Variants in ERC2 observed in about 807,000 individuals in gnomAD.
ERC2 encodes the protein ELKS/RAB6-interacting/CAST family member 2.
A neutral mutation model predicts 114.8 loss-of-function variants in ERC2; 42 were observed. The ratio of observed to expected loss-of-function variants is 0.37; its 90% CI spans 0.29 to 0.47. The LOEUF (loss-of-function observed/expected upper bound fraction) is 0.47, where lower values mean the gene tolerates loss of function less well. Ranked by LOEUF, ERC2 falls within the 20% of genes least tolerant of loss-of-function variation. The probability of loss-of-function intolerance (pLI) is 0.99; values close to 1 mark genes in which losing one functional copy is unlikely to be tolerated. For missense variants in ERC2, 939 were observed against 1,150.7 expected, an observed-to-expected ratio of 0.82 and a Z score of 2.66; for synonymous variants, 454 against 425.5, an observed-to-expected ratio of 1.07 and a Z score of -0.82.
chr3:56,149,853 T>C (rs1458345555), intron 4 of ERC2, among the ~76,000 whole-genome samples: 1 of 152,108 alleles, frequency 6.6e-6, no homozygotes, highest in Non-Finnish European at 1.5e-5. Context: ...TACACTCAGA[T>C]GTGGAATTAA....
At chr3:55,916,836 T>G (rs1004484913) in intron 13 of ERC2, among the ~76,000 whole-genome samples, 5 of 152,182 alleles carry the variant, frequency 3.3e-5, no homozygotes, top group African/African-American at 1.2e-4. Context: ...AGGGCAAGAC[T>G]TGGTCTTTCT....
chr3:56,230,463 T>C (rs77027970), intron 3 of ERC2, among the ~76,000 whole-genome samples: 2,968 of 152,224 alleles, frequency 0.019, 70 homozygotes, highest in African/African-American at 0.056. Context: ...TCTTGTCATC[T>C]TGCCCAGGTT....
intron 4 of ERC2, among the ~76,000 whole-genome samples, chr3:56,170,592 T>TTTTTG (rs1553861367): frequency 4.7e-5 from 1 of 21,254 alleles, no homozygotes; most frequent in African/African-American, 8.6e-5. Context: ...TCTGTTTTTT[T>TTTTTG]TTTTTTTTTT....
intron 3 of ERC2, among the ~76,000 whole-genome samples, chr3:56,234,462 A>G (rs1181218193): frequency 6.6e-6 from 1 of 152,234 alleles, no homozygotes; most frequent in African/African-American, 2.4e-5. Context: ...CAAAAATGCA[A>G]TTCCATTAGA....
At chr3:56,279,531 C>A (rs1192899359) in intron 3 of ERC2, among the ~76,000 whole-genome samples, 4 of 152,168 alleles carry the variant, frequency 2.6e-5, no homozygotes, top group Non-Finnish European at 4.4e-5. Flanking sequence ...GCACAGAGCC[C>A]AGAAGCTGGC....
At chr3:55,756,433 C>G (rs575077258) in intron 14 of ERC2, among the ~76,000 whole-genome samples, 1 of 152,264 alleles carries the variant, frequency 6.6e-6, no homozygotes, top group African/African-American at 2.4e-5. Flanking sequence ...AATGGAGCTT[C>G]CCATATGTGC....
chr3:56,341,701 T>C (rs1000314987), intron 2 of ERC2, among the ~76,000 whole-genome samples: 7 of 152,186 alleles, frequency 4.6e-5, no homozygotes, highest in African/African-American at 9.6e-5. Flanking sequence ...GTAATCCTGT[T>C]AGCAATTCCT....
intron 14 of ERC2, among the ~76,000 whole-genome samples, chr3:55,834,044 C>A (rs929273300): frequency 6.6e-6 from 1 of 151,500 alleles, no homozygotes; most frequent in African/African-American, 2.4e-5. Flanking sequence ...GGGATCAATT[C>A]AACAAGAAGA....
At chr3:55,589,234 AGAG>A (rs1254729057) in intron 17 of ERC2, among the ~76,000 whole-genome samples, 3 of 120,000 alleles carry the variant, frequency 2.5e-5, no homozygotes, top group South Asian at 2.8e-4. Context: ...AAAAAAAAAA[AGAG>A]AGAGAGAGAA....
rs531078412 is a variant in ERC2, at chr3:55,683,762, T to A, written c.*39+32A>T. 7 of 1,566,104 alleles carry A rather than the reference T, an allele frequency of 4.5e-6. No individual in the cohort carries two copies. In the African/African-American group the frequency reaches 6.8e-5, roughly 15 times the overall value. The stretch of plus-strand genomic sequence containing the variant: ...AATACAACACTAGAATGCAATTTTT[T>A]AATAAAAATGATATAAAAGATGGTT... On this transcript the variant is annotated intron_variant, in intron 17 of 17. Coordinates refer to ENST00000288221, the MANE Select transcript of ERC2 (RefSeq NM_015576.3).
intron 15 of ERC2, among the ~76,000 whole-genome samples, chr3:55,706,827 C>T (rs565345342): frequency 2.6e-5 from 4 of 152,280 alleles, no homozygotes; most frequent in African/African-American, 7.2e-5. Flanking sequence ...AGGCTCTTTT[C>T]CATGGATACT....
intron 13 of ERC2, among the ~76,000 whole-genome samples, chr3:55,902,261 C>T (rs987568342): frequency 4.6e-5 from 7 of 152,184 alleles, no homozygotes; most frequent in Middle Eastern, 3.4e-3. Context: ...TTCAATTTCT[C>T]CTTTATTTAA....
intron 2 of ERC2, among the ~76,000 whole-genome samples, chr3:56,403,642 A>C (rs1279705639): frequency 5.3e-5 from 8 of 152,242 alleles, no homozygotes; most frequent in African/African-American, 1.9e-4. Context: ...TATTTTAACG[A>C]GATCCCCAGG....
intron 14 of ERC2, among the ~76,000 whole-genome samples, chr3:55,835,376 C>T (rs1371568067): frequency 2.6e-5 from 4 of 152,142 alleles, no homozygotes. Context: ...AAACTGAATC[C>T]AGCAACACAT....
Position 56,139,775 on chromosome 3 carries a change from T to A in ERC2, c.1306-99A>T, listed in dbSNP as rs938832670. ...TTCTCTCCATTTCAGCAGCCAGTGA[T>A]CAATAATCCAACAAGGCAGGCCACG... On this transcript the variant is annotated intron_variant, in intron 5 of 17. Transcript: ENST00000288221. The A allele has an allele frequency of 7.6e-6, 10 of 1,320,080 alleles. No homozygotes were observed. In the African/African-American group the frequency reaches 1.5e-4, roughly 20 times the overall value. The allele number at this position is 1,320,080 out of a possible 1,614,324, so 81.8% of individuals were successfully genotyped here.
At chr3:56,153,464 G>A (rs1330860946) in intron 4 of ERC2, among the ~76,000 whole-genome samples, 2 of 152,134 alleles carry the variant, frequency 1.3e-5, no homozygotes, top group African/African-American at 4.8e-5. Flanking sequence ...GAAGACACAA[G>A]GGCCAAGACT....
rs947104953 is a variant in ERC2, at chr3:55,510,566, G to A, written c.*750C>T. 6 of 152,626 alleles carry A rather than the reference G, an allele frequency of 3.9e-5. No individual in the cohort carries two copies. The highest frequency in any genetic ancestry group is 1.3e-4 in the Admixed American group (2 of 15,278). 9.5% of individuals were successfully genotyped at this position (152,626 alleles called of 1,614,324 possible). A position where few individuals can be genotyped will look rare whatever the true frequency, so the allele number is the denominator to read the frequency against. ...ACGCATTGTCAGAGACACACACCAT[G>A]TTCTCATAAGGCGATTTCTTGGCAA... On this transcript the variant is annotated 3_prime_UTR_variant, in exon 18 of 18. Transcript: ENST00000288221.
rs528279179 is a variant in ERC2 at position 56,304,903 on chromosome 3, C to T, written c.658-8468G>A. ...CTTAATGGTAAATGTTAGAAGCATGCCCCTTAAAATGAGAAATAAAATTAC... is the reference window on the plus strand; with the variant it reads ...CTTAATGGTAAATGTTAGAAGCATGTCCCTTAAAATGAGAAATAAAATTAC... On this transcript the variant is annotated intron_variant, in intron 2 of 17. Coordinates refer to ENST00000288221, the MANE Select transcript of ERC2 (RefSeq NM_015576.3). Among the ~76,000 whole-genome samples, 8 of 152,150 alleles carry T rather than the reference C, an allele frequency of 5.3e-5. 1 individual carries two copies. The South Asian group carries it at 1.0e-3, about 20-fold the overall frequency.
chr3:56,432,955 C>T (rs1201381131), intron 2 of ERC2, among the ~76,000 whole-genome samples: 2 of 152,050 alleles, frequency 1.3e-5, no homozygotes, highest in Non-Finnish European at 2.9e-5. Flanking sequence ...GGAATTACTC[C>T]TTGAAGCCAG....
Sources: gnomAD v4.1 joint callset for allele counts (sites outside exome capture counted in the v4.1 genomes callset) on GRCh38, gnomAD v4.1.1 for gene constraint, MANE v1.5 for transcripts, NCBI Gene and HGNC (gene_info 2026-07-23, HGNC 2026-07-21) for gene names.